Variants in ZNF302 observed in about 807,000 individuals in gnomAD.
The protein encoded by ZNF302 is zinc finger protein 302, also known as zinc finger protein 327.
ZNF302 carries 12 observed loss-of-function variants against 10.8 expected under a neutral mutation model. The observed-to-expected ratio is 1.11, with a 90% CI of 0.71 to 1.79. ZNF302 has a LOEUF of 1.79. Among genes scored for constraint, ZNF302 ranks in the 40% most tolerant of loss-of-function variants. ZNF302 has a pLI of 0.00. For missense variants in ZNF302, 461 were observed against 471.1 expected (o/e 0.98, Z 0.20); for synonymous variants, 178 against 157.5 (o/e 1.13, Z -0.98).
In ZNF302 at chr19:34,683,891, T is replaced by A. The variant is rs1457053400; in HGVS notation, c.215-361T>A. 7 of 1,033,790 alleles carry A rather than the reference T, an allele frequency of 6.8e-6. No individual in the cohort carries two copies. In the East Asian group the frequency reaches 1.8e-4, roughly 27 times the overall value. The allele number at this position is 1,033,790 out of a possible 1,614,324, so 64.0% of individuals were successfully genotyped here. A position where few individuals can be genotyped will look rare whatever the true frequency, so the allele number is the denominator to read the frequency against. The stretch of plus-strand genomic sequence containing the variant: ...GAAACAAAATGCAACCTTTCCCACA[T>A]GAATATAGGCACAAAATGATGATTT... On this transcript the variant is annotated intron_variant, in intron 4 of 4. Coordinates refer to ENST00000505242, the MANE Select transcript of ZNF302 (RefSeq NM_001289187.2).
At chr19:34,676,540 C>T (rs1433651232), upstream of ZNF302, 1 of 152,182 alleles carries the variant, frequency 6.6e-6, no homozygotes, top group Non-Finnish European at 1.5e-5. Context: ...GCCCAAGCTG[C>T]TGCTCTAACA....
Position 34,683,200 on chromosome 19 carries a change from G to T in ZNF302, c.176G>T (p.Gly59Val). 1.2e-6 allele frequency: 2 copies of T among 1,614,088 alleles called. No homozygotes were observed. The highest frequency in any genetic ancestry group is 1.7e-6 in the Non-Finnish European group (2 of 1,179,952). ...KPYVIMLLED[G>V]KEPWMMEKKL... is the part of the protein sequence containing the mutation. ...TATGTGATCATGTTATTGGAGGATG[G>T]AAAAGAGCCCTGGATGATGGAGAAA... Residue 59 changes from glycine (G) to valine (V), a missense_variant, in exon 4 of 5, where the codon GGA becomes GTA. Physicochemically the swap from Gly to Val is moderately radical, Grantham distance 109 (BLOSUM62 -3). Transcript: ENST00000505242.
intron 2 of ZNF302, chr19:34,681,869 G>T (rs868723098): frequency 6.6e-6 from 1 of 152,188 alleles, no homozygotes; most frequent in Non-Finnish European, 1.5e-5. Context: ...TTGTCAGCAC[G>T]AAGTTTAAGT....
At position 34,684,931 on chromosome 19, in the gene ZNF302, C is replaced by T. The variant is rs376465951; in HGVS notation, c.894C>T (p.Ser298=). ...GTGGAAAGTCTTTTAGTCGTGTGTC[C>T]CTTCTCATTCAGCATCTAAGAATTC... The part of the protein sequence containing the change: ...MNCGKSFSRV[S]LLIQHLRIHT... The change falls in exon 5 of 5, where the codon TCC becomes TCT. Residue 298 remains serine, a synonymous_variant. Transcript: ENST00000505242. 37 of 1,613,808 alleles carry T rather than the reference C, an allele frequency of 2.3e-5. No homozygotes were observed. The highest frequency in any genetic ancestry group is 2.9e-5 in the Non-Finnish European group (34 of 1,179,900).
chr19:34,682,830 A>T lies in ZNF302; in HGVS notation c.63A>T (p.Leu21=). Residue 21 remains leucine, a synonymous_variant, in exon 3 of 5, where the codon CTA becomes CTT. Transcript: ENST00000505242. ...IDFSHEEWAC[L]DSAQRDLYKD... ...TCTCTCATGAAGAGTGGGCATGCCT[A>T]GATTCTGCTCAGAGGGACTTATACA... The T allele has an allele frequency of 6.2e-7, 1 of 1,613,888 alleles. No individual in the cohort carries two copies.
In ZNF302 at chr19:34,684,740, G is replaced by C. The variant is rs1177989164; in HGVS notation, c.703G>C (p.Gly235Arg). 1 of 1,614,042 alleles carries C rather than the reference G, an allele frequency of 6.2e-7. No homozygotes were observed. The highest frequency in any genetic ancestry group is 1.3e-5 in the African/African-American group (1 of 75,034). The change falls in exon 5 of 5, where the codon GGG (glycine) becomes CGG (arginine). Residue 235 changes from glycine (G) to arginine (R), a missense_variant. Physicochemically the swap from Gly to Arg is moderately radical, Grantham distance 125. Transcript: ENST00000505242. ...GAAGCCCTATGAATGTCGTGAATGT[G>C]GGAAGACTTTTAGCCATGGTTCATC... ...GEKPYECRECGKTFSHGSSLT... is the reference protein window; with the variant it reads ...GEKPYECRECRKTFSHGSSLT...
chr19:34,680,623 T>G (rs2145292492), intron 2 of ZNF302, among the ~76,000 whole-genome samples: 1 of 152,328 alleles, frequency 6.6e-6, no homozygotes, highest in Non-Finnish European at 1.5e-5. Context: ...TTTTGGGAAC[T>G]GAGATGAGTG....
Position 34,685,442 on chromosome 19 carries a change from A to G in ZNF302, c.*205A>G. 6.3e-7 allele frequency: 1 copy of G among 1,599,504 alleles called. No homozygotes were observed. Among genetic ancestry groups the G allele is most frequent in the Non-Finnish European group, 8.6e-7 (1 of 1,167,130 alleles). On this transcript the variant is annotated 3_prime_UTR_variant, in exon 5 of 5. Coordinates refer to ENST00000505242, the MANE Select transcript of ZNF302 (RefSeq NM_001289187.2). ...GACCTTCAGCTGTAGTTCAAACCTT[A>G]CTGTACATCAGAGAATTCATACTGG...
chr19:34,684,028 C>T, intron 4 of ZNF302: 2 of 1,508,228 alleles, frequency 1.3e-6, no homozygotes, highest in Non-Finnish European at 8.8e-7. Flanking sequence ...GTTCCTGCTT[C>T]TGTGAACTTT....
At chr19:34,679,220 G>T (rs576275595) in intron 2 of ZNF302, among the ~76,000 whole-genome samples, 1 of 152,052 alleles carries the variant, frequency 6.6e-6, no homozygotes, top group Non-Finnish European at 1.5e-5. Context: ...ACGATACACC[G>T]TATACAGCAT....
intron 4 of ZNF302, 96 bp downstream of exon 4, chr19:34,683,334 C>T: frequency 7.2e-7 from 1 of 1,380,078 alleles, no homozygotes; most frequent in Non-Finnish European, 1.0e-6. Flanking sequence ...ATACTGTCTT[C>T]AAAGATCTCA....
intron 2 of ZNF302, 164 bp from the exon 3 acceptor site, chr19:34,682,613 T>C: frequency 3.0e-6 from 3 of 986,896 alleles, no homozygotes; most frequent in Non-Finnish European, 2.9e-6. Flanking sequence ...TAATTCCAAC[T>C]ACATAACTGT....
intron 2 of ZNF302, 103 bp downstream of exon 2, chr19:34,678,916 G>A (rs2145263567): frequency 7.2e-7 from 1 of 1,383,014 alleles, no homozygotes; most frequent in East Asian, 2.3e-5. Context: ...TCCATTTAAG[G>A]GACTAGATCT....
rs2068070472 is a variant in ZNF302, at chr19:34,678,074, G to A, written c.-98G>A. ...TGGGTTATGTCGTCATGAAGCCGGC[G>A]CTTTCAGTTGTGCAACCTTGAACAA... On this transcript the variant is annotated 5_prime_UTR_variant, in exon 1 of 5. Transcript: ENST00000505242. The A allele has an allele frequency of 6.6e-6, 1 of 152,214 alleles. No individual in the cohort carries two copies. The highest frequency in any genetic ancestry group is 2.4e-5 in the African/African-American group (1 of 41,458). The allele number at this position is 152,214 out of a possible 1,614,324, so 9.4% of individuals were successfully genotyped here.
At chr19:34,678,285 T>C (rs934428504) in intron 1 of ZNF302, among the ~76,000 whole-genome samples, 182 bp downstream of exon 1, 2 of 152,046 alleles carry the variant, frequency 1.3e-5, no homozygotes, top group African/African-American at 2.4e-5. Context: ...AAAAAAAAAT[T>C]AGCTGGGCGT....
Position 34,685,643 on chromosome 19 carries a change from T to C in ZNF302, c.*406T>C. 1.1e-6 allele frequency: 1 copy of C among 910,710 alleles called. No individual in the cohort carries two copies. The highest frequency in any genetic ancestry group is 1.7e-6 in the Non-Finnish European group (1 of 571,724). The allele number at this position is 910,710 out of a possible 1,614,324, so 56.4% of individuals were successfully genotyped here. On this transcript the variant is annotated 3_prime_UTR_variant, in exon 5 of 5. Coordinates refer to ENST00000505242, the MANE Select transcript of ZNF302 (RefSeq NM_001289187.2). ...GAAATCTTACAGAAGAGAAGCAGTG[T>C]TTATCACGGTAAACTTCATTCATAG...
intron 3 of ZNF302, 129 bp downstream of exon 3, chr19:34,683,026 G>C (rs1427631227): frequency 7.6e-6 from 12 of 1,570,484 alleles, no homozygotes; most frequent in Non-Finnish European, 1.0e-5. Flanking sequence ...CAGCTCTGTT[G>C]TGCCCTGCCT....
At chr19:34,678,648 G>C in intron 1 of ZNF302, 89 bp from the exon 2 acceptor site, 1 of 693,012 alleles carries the variant, frequency 1.4e-6, no homozygotes, top group Non-Finnish European at 2.5e-6. Flanking sequence ...GTGATTACCA[G>C]TGTGCTTTTC....
chr19:34,677,486 G>C (rs1254593887), upstream of ZNF302: 1 of 152,352 alleles, frequency 6.6e-6, no homozygotes, highest in Non-Finnish European at 1.5e-5. Flanking sequence ...GCCGGCTCTA[G>C]GTCGACGGCC....
Sources: allele counts gnomAD v4.1 joint callset (sites outside exome capture counted in the v4.1 genomes callset), GRCh38; gene constraint gnomAD v4.1.1; transcripts MANE v1.5; gene names NCBI Gene and HGNC (gene_info 2026-07-23, HGNC 2026-07-21).